AFF3: variants seen among roughly 807,000 people sequenced by gnomAD.
AFF3 encodes the protein ALF transcription elongation factor 3.
A neutral mutation model predicts 129.7 loss-of-function variants in AFF3; 32 were observed. The observed-to-expected ratio is 0.25, with a 90% CI of 0.19 to 0.33. AFF3 has a LOEUF of 0.33. Among genes scored for constraint, AFF3 ranks in the 10% least tolerant of loss-of-function variants. AFF3 has a pLI of 1.00. For missense variants in AFF3, 1,373 were observed against 1,592.0 expected (o/e 0.86, Z 2.34); for synonymous variants, 644 against 635.4 (o/e 1.01, Z -0.20).
rs372813543 is a variant in AFF3, at chr2:99,578,371, G to A, written c.2874C>T (p.Asn958=). ...TCTGCCTCTTGCAGTCCCTGTGGCC[G>A]TTGGAGCCTGGAGACCACGGCTTCG... ...PQTKPWSPGS[N]GHRDCKRQKL... is the part of the protein sequence containing the mutation. The change falls in exon 18 of 25, where the codon AAC becomes AAT. Residue 958 remains asparagine (N), a synonymous_variant. Transcript: ENST00000672756. 65 of 1,608,210 alleles carry A rather than the reference G, an allele frequency of 4.0e-5. No homozygotes were observed. Among genetic ancestry groups the A allele is most frequent in the Middle Eastern group, 3.3e-4 (2 of 6,052 alleles).
chr2:100,021,588 T>C (rs182487231), intron 4 of AFF3, among the ~76,000 whole-genome samples: 1 of 152,292 alleles, frequency 6.6e-6, no homozygotes, highest in African/African-American at 2.4e-5. Context: ...TGCCTGGTGC[T>C]GGAAAGCTTG....
chr2:99,652,264 C>A (rs192628107), intron 12 of AFF3, among the ~76,000 whole-genome samples: 3 of 152,280 alleles, frequency 2.0e-5, no homozygotes, highest in African/African-American at 7.2e-5. Flanking sequence ...CTGGCAGCAG[C>A]TCTCAACCGG....
At chr2:99,983,252 G>A (rs1679572314) in intron 7 of AFF3, among the ~76,000 whole-genome samples, 1 of 152,200 alleles carries the variant, frequency 6.6e-6, no homozygotes, top group African/African-American at 2.4e-5. Flanking sequence ...TGGCAGAGGT[G>A]GCAGAGCTGA....
At chr2:99,861,097 C>T (rs768531361) in intron 7 of AFF3, among the ~76,000 whole-genome samples, 10 of 152,158 alleles carry the variant, frequency 6.6e-5, no homozygotes, top group Non-Finnish European at 1.2e-4. Context: ...ATGGAAGTGA[C>T]TCACAAATCC....
chr2:100,006,310 A>T (rs140854852), intron 7 of AFF3: 132 of 208,888 alleles, frequency 6.3e-4, no homozygotes, highest in African/African-American at 2.8e-3. Context: ...CTTATTTCTT[A>T]ATTTTATTTA....
intron 8 of AFF3, among the ~76,000 whole-genome samples, chr2:99,820,469 A>G (rs780242537): frequency 3.3e-5 from 5 of 152,056 alleles, no homozygotes; most frequent in Non-Finnish European, 7.4e-5. Flanking sequence ...TGAGTCAGTG[A>G]GTGAGTGCTG....
At chr2:99,914,079 G>T (rs558509474) in intron 7 of AFF3, among the ~76,000 whole-genome samples, 1 of 152,124 alleles carries the variant, frequency 6.6e-6, no homozygotes, top group East Asian at 1.9e-4. Context: ...ATGTCTACAC[G>T]GTCTCAAAAA....
intron 8 of AFF3, among the ~76,000 whole-genome samples, chr2:99,831,112 T>G (rs1688488975): frequency 6.6e-6 from 1 of 152,146 alleles, no homozygotes; most frequent in Non-Finnish European, 1.5e-5. Context: ...CGCACAGACT[T>G]GGGGACAATG....
At chr2:99,693,690 T>C (rs1320890907) in intron 11 of AFF3, among the ~76,000 whole-genome samples, 3 of 152,206 alleles carry the variant, frequency 2.0e-5, no homozygotes, top group Admixed American at 1.3e-4. Flanking sequence ...TCTAATACTT[T>C]TTCTATCTTT....
At chr2:99,896,643 TTTTTTTTTTG>T (rs1266646964) in intron 7 of AFF3, among the ~76,000 whole-genome samples, 14 of 121,978 alleles carry the variant, frequency 1.1e-4, no homozygotes, top group African/African-American at 4.4e-4. Flanking sequence ...TTTTTTTTTT[TTTTTTTTTTG>T]GAGACGGAGT....
At chr2:99,988,523 C>G (rs1576489310) in intron 7 of AFF3, among the ~76,000 whole-genome samples, 1 of 152,166 alleles carries the variant, frequency 6.6e-6, no homozygotes, top group East Asian at 1.9e-4. Context: ...TGTTTTCTAG[C>G]ATAAGTTTCC....
intron 2 of AFF3, among the ~76,000 whole-genome samples, chr2:100,125,180 G>A (rs1358895589): frequency 6.6e-6 from 1 of 152,084 alleles, no homozygotes; most frequent in Non-Finnish European, 1.5e-5. Flanking sequence ...TGGAGATTTA[G>A]CATAACACCT....
At position 99,805,373 on chromosome 2, in the gene AFF3, A is replaced by G. The variant is rs113759882; in HGVS notation, c.921+32104T>C. 7.0e-3 allele frequency among the ~76,000 whole-genome samples: 1,062 copies of G among 152,330 alleles called. 12 individuals are homozygous for G. Among genetic ancestry groups the G allele is most frequent in the African/African-American group, 0.025 (1,028 of 41,576 alleles). On this transcript the variant is annotated intron_variant, in intron 8 of 24. Coordinates refer to ENST00000672756, the MANE Select transcript of AFF3 (RefSeq NM_001386135.1). ...AGTGTGTTACATTGGTGGTATTATG[A>G]TAATAATTCAAGTGTGCTTGATGCT...
chr2:99,821,689 T>C (rs1366836710), intron 8 of AFF3, among the ~76,000 whole-genome samples: 1 of 152,232 alleles, frequency 6.6e-6, no homozygotes, highest in Non-Finnish European at 1.5e-5. Context: ...CTGTATGTGC[T>C]GGGCTTTTAT....
In AFF3 at chr2:99,711,217, G is replaced by A. The variant is rs12613535; in HGVS notation, c.1091+15860C>T. 2.1e-3 allele frequency among the ~76,000 whole-genome samples: 319 copies of A among 152,250 alleles called. 4 individuals carry two copies. In the East Asian group the frequency reaches 0.032, roughly 15 times the overall value. On this transcript the variant is annotated intron_variant, in intron 11 of 24. Transcript: ENST00000672756. ...TCATGTGCCCTCTGTGCCAGGCCGC[G>A]TGTGGTGTCTCCAAGAGGATCTGGA...
chr2:99,672,502 A>G (rs1454615361), intron 12 of AFF3, 36 bp downstream of exon 12: 2 of 1,605,390 alleles, frequency 1.2e-6, no homozygotes, highest in Non-Finnish European at 1.7e-6. Flanking sequence ...TACCAGTGTC[A>G]CCTCCAAAGG....
chr2:99,845,742 C>A lies in AFF3; in HGVS notation c.874-8218G>T, dbSNP rs149359345. ...GTGACAATGCTGAAGTCATTTAATC[C>A]TCACATTACAGGCAAACTTCAGTGA... On this transcript the variant is annotated intron_variant, in intron 7 of 24. Transcript: ENST00000672756. Among the ~76,000 whole-genome samples the A allele has an allele frequency of 9.3e-3, 1,415 of 152,274 alleles. 16 individuals are homozygous for A. The highest frequency in any genetic ancestry group is 0.034 in the Middle Eastern group (10 of 294).
chr2:99,924,687 C>T (rs1696096961), intron 7 of AFF3, among the ~76,000 whole-genome samples: 1 of 152,126 alleles, frequency 6.6e-6, no homozygotes, highest in African/African-American at 2.4e-5. Context: ...TACTTATAAA[C>T]TCAAACTTCA....
chr2:99,983,602 T>C (rs1679601533), intron 7 of AFF3, among the ~76,000 whole-genome samples: 1 of 152,200 alleles, frequency 6.6e-6, no homozygotes, highest in South Asian at 2.1e-4. Flanking sequence ...AGGACCAGTC[T>C]CCTTTTATCT....
Sources: allele counts gnomAD v4.1 joint callset (sites outside exome capture counted in the v4.1 genomes callset), GRCh38; gene constraint gnomAD v4.1.1; transcripts MANE v1.5; gene names NCBI Gene and HGNC (gene_info 2026-07-23, HGNC 2026-07-21).